FBXO4: variants seen among roughly 807,000 people sequenced by gnomAD.
FBXO4 encodes the protein F-box only protein 4.
In FBXO4, 36 loss-of-function variants were observed where a neutral mutation model predicts 43.7. The ratio of observed to expected loss-of-function variants is 0.82; its 90% CI spans 0.63 to 1.09. The LOEUF is 1.09. Among genes scored for constraint, FBXO4 ranks in the 50% least tolerant of loss-of-function variants. FBXO4 has a pLI of 0.00. For synonymous variants in FBXO4, 180 were observed against 165.6 expected (o/e 1.09, Z -0.67); for missense variants, 435 against 474.1 (o/e 0.92, Z 0.77).
At chr5:42,027,081 T>A in the FBXO4 span, among the ~76,000 whole-genome samples, 146 of 152,030 alleles carry the variant, frequency 9.6e-4, no homozygotes, top group African/African-American at 3.5e-3. Flanking sequence ...TTGAAAGCAC[T>A]CCCTCCTCCT....
the FBXO4 span, among the ~76,000 whole-genome samples, chr5:41,999,446 AGTGTGTGT>A: frequency 9.3e-6 from 1 of 107,782 alleles, no homozygotes; most frequent in Non-Finnish European, 1.8e-5. Flanking sequence ...TATATATGTG[AGTGTGTGT>A]GTGTGTGTGT....
chr5:41,967,321 C>T, the FBXO4 span: 2 of 444,000 alleles, frequency 4.5e-6, no homozygotes, highest in Non-Finnish European at 8.8e-6. Flanking sequence ...TCCACATTTC[C>T]AACCAACTTA....
At chr5:41,999,478 CACAT>C in the FBXO4 span, among the ~76,000 whole-genome samples, 1,090 of 27,526 alleles carry the variant, frequency 0.04, 28 homozygotes, top group African/African-American at 0.081. Context: ...TATATATATA[CACAT>C]ATATATATAT....
At position 41,934,166 on chromosome 5, in the gene FBXO4, A is replaced by G. The variant is rs1579980644; in HGVS notation, c.756A>G (p.Thr252=). 4 of 1,614,094 alleles carry G rather than the reference A, an allele frequency of 2.5e-6. No individual in the cohort carries two copies. The highest frequency in any genetic ancestry group is 3.4e-6 in the Non-Finnish European group (4 of 1,179,988). Reference sequence around the variant, plus strand: ...GAGATAGAGCAAGGGAAGAGCATACAAGTGCAGTTAACAAGATGTTCAGTC... The same window carrying G: ...GAGATAGAGCAAGGGAAGAGCATACGAGTGCAGTTAACAAGATGTTCAGTC... ...KERDRAREEH[T]SAVNKMFSRH... The change falls in exon 5 of 7, where the codon ACA becomes ACG. Residue 252 remains threonine, a synonymous_variant. Coordinates refer to ENST00000281623, the MANE Select transcript of FBXO4 (RefSeq NM_012176.3).
chr5:41,965,715 G>C, the FBXO4 span, among the ~76,000 whole-genome samples: 1 of 152,174 alleles, frequency 6.6e-6, no homozygotes, highest in East Asian at 1.9e-4. Flanking sequence ...TTACACTGTT[G>C]GTGGGACTGT....
chr5:42,006,550 C>T, the FBXO4 span, among the ~76,000 whole-genome samples: 6,493 of 151,646 alleles, frequency 0.043, 198 homozygotes, highest in South Asian at 0.076. Flanking sequence ...AAAAGTACAG[C>T]GAAAAATTAC....
At chr5:41,994,346 A>G in the FBXO4 span, among the ~76,000 whole-genome samples, 2 of 152,238 alleles carry the variant, frequency 1.3e-5, no homozygotes, top group Non-Finnish European at 2.9e-5. Context: ...CAAAAGAAGG[A>G]GGAAATACTC....
chr5:41,954,959 A>G, the FBXO4 span, among the ~76,000 whole-genome samples: 2 of 152,312 alleles, frequency 1.3e-5, no homozygotes, highest in East Asian at 3.9e-4. Flanking sequence ...TAATTCAAAA[A>G]TTTCCAAAAT....
At chr5:41,968,058 T>A in the FBXO4 span, 2 of 373,016 alleles carry the variant, frequency 5.4e-6, no homozygotes, top group Admixed American at 3.7e-5. Context: ...ACTGGGCCAG[T>A]TTCCTGACAA....
the FBXO4 span, among the ~76,000 whole-genome samples, chr5:42,003,996 C>T: frequency 6.6e-6 from 1 of 152,092 alleles, no homozygotes; most frequent in Non-Finnish European, 1.5e-5. Context: ...CAATGATAGA[C>T]TGGATTAAGA....
the FBXO4 span, among the ~76,000 whole-genome samples, chr5:42,030,005 C>A: frequency 6.6e-6 from 1 of 151,826 alleles, no homozygotes; most frequent in Non-Finnish European, 1.5e-5. Context: ...TGGGAAGAAT[C>A]AATATCGTGA....
the FBXO4 span, among the ~76,000 whole-genome samples, chr5:42,008,024 G>A: frequency 1.3e-5 from 2 of 152,020 alleles, no homozygotes; most frequent in African/African-American, 2.4e-5. Flanking sequence ...AATGGACTCA[G>A]GAAGAATCAC....
the FBXO4 span, among the ~76,000 whole-genome samples, chr5:41,999,052 G>T: frequency 7.3e-6 from 1 of 137,208 alleles, no homozygotes; most frequent in Admixed American, 7.5e-5. Flanking sequence ...TTCACACATG[G>T]TCCATATATG....
the FBXO4 span, among the ~76,000 whole-genome samples, chr5:42,031,294 T>C: frequency 6.6e-6 from 1 of 152,156 alleles, no homozygotes; most frequent in East Asian, 1.9e-4. Flanking sequence ...CGTGATGAGT[T>C]CATGTCCTTT....
the FBXO4 span, among the ~76,000 whole-genome samples, chr5:42,009,073 A>G: frequency 6.6e-6 from 1 of 152,172 alleles, no homozygotes; most frequent in Non-Finnish European, 1.5e-5. Context: ...GACTTTCAAT[A>G]GGTAATCTCC....
At chr5:42,024,987 T>A in the FBXO4 span, among the ~76,000 whole-genome samples, 2 of 152,116 alleles carry the variant, frequency 1.3e-5, no homozygotes, top group South Asian at 4.1e-4. Flanking sequence ...ATCTTAGCTA[T>A]TGTGAACAGT....
the FBXO4 span, among the ~76,000 whole-genome samples, chr5:41,969,900 C>T: frequency 6.6e-6 from 1 of 151,968 alleles, no homozygotes; most frequent in Non-Finnish European, 1.5e-5. Flanking sequence ...AGAGTGAAAT[C>T]TTGAGTTCTA....
the FBXO4 span, among the ~76,000 whole-genome samples, chr5:41,983,157 T>C: frequency 6.6e-6 from 1 of 152,180 alleles, no homozygotes; most frequent in Non-Finnish European, 1.5e-5. Flanking sequence ...TTTGCTATTG[T>C]GAATAGTACC....
the FBXO4 span, among the ~76,000 whole-genome samples, chr5:42,008,539 T>C: frequency 6.6e-6 from 1 of 152,140 alleles, no homozygotes; most frequent in African/African-American, 2.4e-5. Context: ...CTCTGTGCCC[T>C]AAGACTTTGT....
Sources: gnomAD v4.1 joint callset for allele counts (sites outside exome capture counted in the v4.1 genomes callset) on GRCh38, gnomAD v4.1.1 for gene constraint, MANE v1.5 for transcripts, NCBI Gene and HGNC (gene_info 2026-07-23, HGNC 2026-07-21) for gene names.